CNTN4: variants seen among roughly 807,000 people sequenced by gnomAD.
CNTN4 encodes contactin 4, also known as contactin-4.
In CNTN4, 77 loss-of-function variants were observed where a neutral mutation model predicts 122.5. The observed-to-expected ratio is 0.63, with a 90% CI of 0.52 to 0.76. CNTN4 has a LOEUF of 0.76. Among genes scored for constraint, CNTN4 ranks in the 30% least tolerant of loss-of-function variants. CNTN4 has a pLI of 0.00. For missense variants in CNTN4, 1,256 were observed against 1,259.1 expected (o/e 1.00, Z 0.04); for synonymous variants, 512 against 447.0 (o/e 1.15, Z -1.83).
intron 3 of CNTN4, among the ~76,000 whole-genome samples, chr3:2,456,988 G>A (rs537017000): frequency 6.6e-6 from 1 of 152,198 alleles, no homozygotes; most frequent in South Asian, 2.1e-4. Flanking sequence ...TATTATCTCT[G>A]TTTTACGAAT....
At chr3:2,922,720 C>G (rs539733095) in intron 12 of CNTN4, among the ~76,000 whole-genome samples, 2 of 147,344 alleles carry the variant, frequency 1.4e-5, no homozygotes, top group East Asian at 4.1e-4. Context: ...TAAAGCGCTT[C>G]TTATGCCTCA....
chr3:2,899,576 A>C (rs1260311717), intron 10 of CNTN4, among the ~76,000 whole-genome samples: 2 of 152,194 alleles, frequency 1.3e-5, no homozygotes, highest in Admixed American at 6.5e-5. Flanking sequence ...GATATTTATG[A>C]AGACTTTTTA....
chr3:2,587,623 T>C (rs922857388), intron 4 of CNTN4, among the ~76,000 whole-genome samples: 2 of 152,220 alleles, frequency 1.3e-5, no homozygotes, highest in Non-Finnish European at 2.9e-5. Flanking sequence ...TCTAGATTTC[T>C]TGTACCTCCC....
At chr3:2,870,684 C>T (rs1437330708) in intron 8 of CNTN4, among the ~76,000 whole-genome samples, 2 of 152,050 alleles carry the variant, frequency 1.3e-5, no homozygotes, top group African/African-American at 4.8e-5. Flanking sequence ...CTGTCTGCCT[C>T]AGAAAAGGGA....
At chr3:2,680,882 T>C (rs2085128581) in intron 4 of CNTN4, among the ~76,000 whole-genome samples, 1 of 152,188 alleles carries the variant, frequency 6.6e-6, no homozygotes, top group African/African-American at 2.4e-5. Flanking sequence ...GACAAGTACG[T>C]TCCATTTTCT....
At chr3:2,633,212 C>T (rs1202083936) in intron 4 of CNTN4, among the ~76,000 whole-genome samples, 2 of 152,150 alleles carry the variant, frequency 1.3e-5, no homozygotes, top group African/African-American at 4.8e-5. Flanking sequence ...AAGGCTACAA[C>T]AGCTGGGAGC....
chr3:2,184,235 T>C (rs1001998804), intron 2 of CNTN4, among the ~76,000 whole-genome samples: 2 of 152,122 alleles, frequency 1.3e-5, no homozygotes, highest in African/African-American at 2.4e-5. Flanking sequence ...ATCCACCAGC[T>C]TTGGCCTCCC....
At chr3:2,263,998 A>G (rs2040943457) in intron 2 of CNTN4, among the ~76,000 whole-genome samples, 2 of 152,152 alleles carry the variant, frequency 1.3e-5, no homozygotes, top group Admixed American at 1.3e-4. Flanking sequence ...ACCACATTTT[A>G]TCTATCCATT....
chr3:2,906,887 G>T (rs891009942), intron 12 of CNTN4, among the ~76,000 whole-genome samples: 1 of 151,408 alleles, frequency 6.6e-6, no homozygotes, highest in Non-Finnish European at 1.5e-5. Context: ...AAGAAAGATG[G>T]AGAAGTCATT....
chr3:2,386,067 A>G (rs2046245998), intron 3 of CNTN4, among the ~76,000 whole-genome samples: 1 of 152,028 alleles, frequency 6.6e-6, no homozygotes, highest in Non-Finnish European at 1.5e-5. Flanking sequence ...GTCACAGTAT[A>G]TTTGTTCATA....
intron 2 of CNTN4, among the ~76,000 whole-genome samples, chr3:2,290,689 G>A (rs1011289263): frequency 1.1e-4 from 16 of 152,182 alleles, no homozygotes; most frequent in African/African-American, 3.9e-4. Context: ...AAAGATTTGT[G>A]TATTGTTGCG....
At chr3:2,983,775 C>T (rs1694283337) in intron 13 of CNTN4, among the ~76,000 whole-genome samples, 1 of 152,186 alleles carries the variant, frequency 6.6e-6, no homozygotes, top group African/African-American at 2.4e-5. Flanking sequence ...AGTTACTACA[C>T]TATATTGCTG....
At chr3:2,664,322 G>C (rs899165499) in intron 4 of CNTN4, among the ~76,000 whole-genome samples, 2 of 151,600 alleles carry the variant, frequency 1.3e-5, no homozygotes, top group Non-Finnish European at 2.9e-5. Flanking sequence ...TTCTTTTTTG[G>C]TCCAGAATTG....
intron 3 of CNTN4, among the ~76,000 whole-genome samples, chr3:2,421,087 C>A (rs944359816): frequency 2.0e-5 from 3 of 152,148 alleles, no homozygotes; most frequent in African/African-American, 7.2e-5. Flanking sequence ...TTGAAAGAGT[C>A]TGCAGAAGAG....
In CNTN4 at chr3:2,442,999, G is replaced by T. The variant is rs560651520; in HGVS notation, c.-89+103766G>T. 2.0e-5 allele frequency among the ~76,000 whole-genome samples: 3 copies of T among 152,078 alleles called. No homozygotes were observed. The East Asian group carries it at 5.8e-4, about 29-fold the overall frequency. ...AGCTTATTTATGAAAAATAGGGAGGGTGTAAGGAGGGAGAGGAGAAGAAAA... is the reference window on the plus strand; with the variant it reads ...AGCTTATTTATGAAAAATAGGGAGGTTGTAAGGAGGGAGAGGAGAAGAAAA... On this transcript the variant is annotated intron_variant, in intron 3 of 24. Transcript: ENST00000418658.
rs549247254 is a variant in CNTN4, at chr3:2,225,100, G to A, written c.-144-114078G>A. 2.6e-5 allele frequency among the ~76,000 whole-genome samples: 4 copies of A among 151,466 alleles called. No individual in the cohort carries two copies. In the South Asian group the frequency reaches 6.3e-4, roughly 24 times the overall value. Reference sequence around the variant, plus strand: ...GGGAGGTAGAGCTTGCAAGTGAGCCGAGATCGCACCACTGCACTCCAGCCT... The same window carrying A: ...GGGAGGTAGAGCTTGCAAGTGAGCCAAGATCGCACCACTGCACTCCAGCCT... On this transcript the variant is annotated intron_variant, in intron 2 of 24. Transcript: ENST00000418658.
chr3:2,432,322 G>A (rs763026978), intron 3 of CNTN4, among the ~76,000 whole-genome samples: 5 of 152,212 alleles, frequency 3.3e-5, no homozygotes, highest in African/African-American at 7.2e-5. Context: ...GTTGGGGAAA[G>A]CAAACATGGT....
At chr3:2,978,544 T>C (rs1279180225) in intron 13 of CNTN4, among the ~76,000 whole-genome samples, 1 of 152,234 alleles carries the variant, frequency 6.6e-6, no homozygotes, top group East Asian at 1.9e-4. Flanking sequence ...TATGTCACAA[T>C]TAGCCAGGAA....
intron 13 of CNTN4, among the ~76,000 whole-genome samples, chr3:2,926,006 C>A (rs1241035093): frequency 6.6e-6 from 1 of 152,142 alleles, no homozygotes; most frequent in South Asian, 2.1e-4. Context: ...TCACATGATC[C>A]CCGCTGAAGA....
Sources: allele counts gnomAD v4.1 joint callset (sites outside exome capture counted in the v4.1 genomes callset), GRCh38; gene constraint gnomAD v4.1.1; transcripts MANE v1.5; gene names NCBI Gene and HGNC (gene_info 2026-07-23, HGNC 2026-07-21).